MYO16: variants seen among roughly 807,000 people sequenced by gnomAD.
The protein encoded by MYO16 is unconventional myosin-XVI.
MYO16 carries 94 observed loss-of-function variants against 205.3 expected under a neutral mutation model. That is an observed-to-expected ratio of 0.46 (90% CI 0.39 to 0.54). MYO16 has a LOEUF of 0.54. Among genes scored for constraint, MYO16 ranks in the 20% least tolerant of loss-of-function variants. The pLI, the probability that MYO16 is intolerant of heterozygous loss-of-function variation, is 0.00. For synonymous variants in MYO16, 988 were observed against 954.0 expected, an observed-to-expected ratio of 1.04 and a Z score of -0.66; for missense variants, 2,315 against 2,387.5, an observed-to-expected ratio of 0.97 and a Z score of 0.63.
chr13:108,539,916 T>G, the MYO16 span, among the ~76,000 whole-genome samples: 2 of 152,122 alleles, frequency 1.3e-5, no homozygotes, highest in South Asian at 4.1e-4. Flanking sequence ...CTGGCACAAT[T>G]TTCAAGGAGC....
chr13:108,743,705 T>A (rs1275411136), intron 4 of MYO16, among the ~76,000 whole-genome samples: 1 of 152,248 alleles, frequency 6.6e-6, no homozygotes, highest in Non-Finnish European at 1.5e-5. Context: ...GTTCTGTAAG[T>A]AATGGACAAA....
At chr13:108,579,504 G>A in the MYO16 span, among the ~76,000 whole-genome samples, 33 of 148,900 alleles carry the variant, frequency 2.2e-4, no homozygotes, top group East Asian at 5.4e-3. Flanking sequence ...GCAGTGGCGC[G>A]ATCTCTGCTC....
At chr13:108,938,713 G>A (rs1384621437) in intron 16 of MYO16, among the ~76,000 whole-genome samples, 1 of 152,246 alleles carries the variant, frequency 6.6e-6, no homozygotes. Flanking sequence ...CTAAAGATCA[G>A]CCTAGGCATG....
chr13:108,586,475 T>C, the MYO16 span, among the ~76,000 whole-genome samples: 3 of 152,288 alleles, frequency 2.0e-5, no homozygotes, highest in South Asian at 6.2e-4. Context: ...TGCTAAGTAG[T>C]GTATCCAAAG....
the MYO16 span, among the ~76,000 whole-genome samples, chr13:108,553,862 C>T: frequency 2.6e-5 from 4 of 152,140 alleles, no homozygotes; most frequent in East Asian, 1.9e-4. Flanking sequence ...CCCTTACCTC[C>T]TCATGTCATC....
At chr13:109,131,459 G>A (rs762196268) in intron 31 of MYO16, among the ~76,000 whole-genome samples, 20 of 152,278 alleles carry the variant, frequency 1.3e-4, no homozygotes, top group Admixed American at 2.6e-4. Context: ...CCTCAAAAGC[G>A]TGAAACAATT....
intron 27 of MYO16, among the ~76,000 whole-genome samples, chr13:109,058,154 C>G (rs377227871): frequency 6.6e-6 from 1 of 152,064 alleles, no homozygotes; most frequent in South Asian, 2.1e-4. Flanking sequence ...GCCATGTGAA[C>G]GGCACTTTGA....
chr13:109,056,997 T>A (rs2139616023), intron 27 of MYO16, among the ~76,000 whole-genome samples: 1 of 152,188 alleles, frequency 6.6e-6, no homozygotes, highest in East Asian at 1.9e-4. Context: ...TTGAGACTTT[T>A]GTTGACTAGT....
At chr13:108,892,866 ATACAT>A (rs1413528820) in intron 14 of MYO16, among the ~76,000 whole-genome samples, 2 of 152,234 alleles carry the variant, frequency 1.3e-5, no homozygotes, top group African/African-American at 4.8e-5. Flanking sequence ...GTTCAAACAA[ATACAT>A]TCTAAAGTGC....
At chr13:108,947,474 G>A (rs1051502777) in intron 16 of MYO16, among the ~76,000 whole-genome samples, 2 of 152,164 alleles carry the variant, frequency 1.3e-5, no homozygotes, top group African/African-American at 2.4e-5. Context: ...TACCATCTTC[G>A]AGGCCAGGCC....
intron 31 of MYO16, among the ~76,000 whole-genome samples, chr13:109,135,169 A>G (rs1414422964): frequency 6.6e-6 from 1 of 152,120 alleles, no homozygotes; most frequent in African/African-American, 2.4e-5. Context: ...GTAGAGAATA[A>G]CTGATGCATG....
chr13:108,841,250 C>G lies in MYO16; in HGVS notation c.1098-3093C>G, dbSNP rs76503373. The stretch of plus-strand genomic sequence containing the variant: ...ATCAATGAAACACACTAGAGAGTCC[C>G]AAAGTAAACCCACACAGATATGGTC... On this transcript the variant is annotated intron_variant, in intron 9 of 34. Coordinates refer to ENST00000457511, the MANE Select transcript of MYO16 (RefSeq NM_001198950.3). 5.1e-4 allele frequency among the ~76,000 whole-genome samples: 78 copies of G among 152,168 alleles called. No homozygotes were observed. The East Asian group carries it at 0.014, about 27-fold the overall frequency.
At position 108,871,350 on chromosome 13, in the gene MYO16, G is replaced by GTGTGTGTGTGTGTA. The variant is rs1879049001; in HGVS notation, c.1425+5121_1425+5122insATGTGTGTGTGTGT. Among the ~76,000 whole-genome samples, 5 of 147,212 alleles carry GTGTGTGTGTGTGTA rather than the reference G, an allele frequency of 3.4e-5. No homozygotes were observed. In the South Asian group the frequency reaches 6.4e-4, roughly 19 times the overall value. ...TGTGTGTGTGTGTGTGTGTGTGTGT[G>GTGTGTGTGTGTGTA]TGTGTGTGTGTGTCTGTGTGTTGGT... On this transcript the variant is annotated intron_variant, in intron 12 of 34. Transcript: ENST00000457511.
Position 108,883,057 on chromosome 13 carries a change from A to G in MYO16, c.1426-2A>G, listed in dbSNP as rs779244618. Reference sequence around the variant, plus strand: ...TCCCCTTGCTGCTGCCCTGTTTTCCAGGTGTCCCAGCTGTATTTCAGCTCC... The same window carrying G: ...TCCCCTTGCTGCTGCCCTGTTTTCCGGGTGTCCCAGCTGTATTTCAGCTCC... On this transcript the variant is annotated splice_acceptor_variant, in intron 12 of 34. Transcript: ENST00000457511. LOFTEE classifies it high-confidence loss of function. 6.2e-7 allele frequency: 1 copy of G among 1,613,664 alleles called. No homozygotes were observed. Among genetic ancestry groups the G allele is most frequent in the Non-Finnish European group, 8.5e-7 (1 of 1,179,732 alleles).
chr13:108,778,736 C>T (rs942235024), intron 4 of MYO16, among the ~76,000 whole-genome samples: 1 of 152,146 alleles, frequency 6.6e-6, no homozygotes, highest in African/African-American at 2.4e-5. Context: ...TTTGATAAGA[C>T]AGTGAATTCA....
chr13:108,578,638 C>A, the MYO16 span, among the ~76,000 whole-genome samples: 1 of 152,200 alleles, frequency 6.6e-6, no homozygotes, highest in African/African-American at 2.4e-5. Flanking sequence ...ATCTTCCCCA[C>A]TGGGATGTCT....
the MYO16 span, among the ~76,000 whole-genome samples, chr13:108,505,497 C>A: frequency 6.6e-6 from 1 of 152,060 alleles, no homozygotes. Context: ...TATGCAAATC[C>A]TTTGTTCGTT....
chr13:109,094,157 A>C (rs1260170626), intron 27 of MYO16, among the ~76,000 whole-genome samples: 5 of 152,092 alleles, frequency 3.3e-5, no homozygotes, highest in African/African-American at 4.8e-5. Flanking sequence ...GCTCACAGTG[A>C]AAGCTTTCCT....
At chr13:108,582,690 G>A in the MYO16 span, among the ~76,000 whole-genome samples, 1 of 152,164 alleles carries the variant, frequency 6.6e-6, no homozygotes, top group African/African-American at 2.4e-5. Context: ...GTAGGGATTG[G>A]ACAGATAGAG....
Sources: gnomAD v4.1 joint callset for allele counts (sites outside exome capture counted in the v4.1 genomes callset) on GRCh38, gnomAD v4.1.1 for gene constraint, MANE v1.5 for transcripts, NCBI Gene and HGNC (gene_info 2026-07-23, HGNC 2026-07-21) for gene names.